The following RACGAP1 variants were observed in gnomAD, a reference collection of about 807,000 sequenced individuals.
RACGAP1 encodes Rac GTPase activating protein 1, also known as rac GTPase-activating protein 1.
A neutral mutation model predicts 78.1 loss-of-function variants in RACGAP1; 30 were observed. The observed-to-expected ratio is 0.38, with a 90% confidence interval of 0.29 to 0.52. The LOEUF (loss-of-function observed/expected upper bound fraction) is 0.52. RACGAP1 is among the 20% of genes least tolerant of loss of function. The pLI, the probability that RACGAP1 is intolerant of heterozygous loss-of-function variation, is 0.82. For missense variants in RACGAP1, 587 were observed against 777.1 expected, an observed-to-expected ratio of 0.76 and a Z score of 2.91; for synonymous variants, 231 against 264.8, an observed-to-expected ratio of 0.87 and a Z score of 1.24.
chr12:49,999,085 T>G, intron 9 of RACGAP1, 56 bp downstream of exon 9: 1 of 1,523,658 alleles, frequency 6.6e-7, no homozygotes, highest in Non-Finnish European at 8.8e-7. Flanking sequence ...TTATTCCTGG[T>G]ATTTATTACT....
chr12:50,015,254 G>C (rs1949593613), intron 2 of RACGAP1, among the ~76,000 whole-genome samples: 1 of 152,012 alleles, frequency 6.6e-6, no homozygotes, highest in Admixed American at 6.6e-5. Flanking sequence ...TGATTCTTCT[G>C]CCTCAGCCTC....
At chr12:49,992,733 G>T in intron 12 of RACGAP1, 78 bp from the exon 13 acceptor site, 2 of 1,083,962 alleles carry the variant, frequency 1.8e-6, no homozygotes, top group Non-Finnish European at 2.7e-6. Flanking sequence ...CGACCACAAA[G>T]TCTCATCTAT....
Position 49,997,123 on chromosome 12 carries a change from C to T in RACGAP1, c.961G>A (p.Val321Met). The T allele has an allele frequency of 6.2e-7, 1 of 1,611,224 alleles. No homozygotes were observed. The highest frequency in any genetic ancestry group is 8.5e-7 in the Non-Finnish European group (1 of 1,177,748). The change falls in exon 10 of 17, where the codon GTG becomes ATG. Residue 321 changes from valine (V) to methionine (M), a missense_variant. Physicochemically the swap from Val to Met is conservative, Grantham distance 21. Coordinates refer to ENST00000312377, the MANE Select transcript of RACGAP1 (RefSeq NM_001319999.2). ...TCCCGACATTCTGGATGAGAGACCACACGACAGTCTCGACACTTCAGAGAT... is the reference window on the plus strand; with the variant it reads ...TCCCGACATTCTGGATGAGAGACCATACGACAGTCTCGACACTTCAGAGAT... ...KLSLKCRDCR[V>M]VSHPECRDRC...
intron 7 of RACGAP1, among the ~76,000 whole-genome samples, chr12:50,000,031 T>TTTTTTTTTTTTC (rs10701508): frequency 6.8e-6 from 1 of 147,418 alleles, no homozygotes; most frequent in African/African-American, 2.5e-5. Context: ...TTTTTTTTTT[T>TTTTTTTTTTTTC]GAGACGGAGT....
At chr12:50,025,791 A>C (rs757024165), upstream of RACGAP1, among the ~76,000 whole-genome samples, 27 of 152,166 alleles carry the variant, frequency 1.8e-4, no homozygotes, top group Admixed American at 3.9e-4. Context: ...GGCCCTTGGA[A>C]ACGATTAACT....
chr12:50,006,750 A>G lies in RACGAP1; in HGVS notation c.86-114T>C, dbSNP rs562566860. The G allele has an allele frequency of 4.4e-5, 46 of 1,054,668 alleles. No individual in the cohort carries two copies. In the African/African-American group the frequency reaches 7.1e-4, roughly 16 times the overall value. The allele number at this position is 1,054,668 out of a possible 1,614,324, so 65.3% of individuals were successfully genotyped here. A position where few individuals can be genotyped will look rare whatever the true frequency, so the allele number is the denominator to read the frequency against. On this transcript the variant is annotated intron_variant, in intron 2 of 16. Transcript: ENST00000312377. ...AATTCATAATTAAGGAACCAGCTGA[A>G]CTATGGGCAAATCCAGCTGAAAATA...
intron 6 of RACGAP1, among the ~76,000 whole-genome samples, 174 bp downstream of exon 6, chr12:50,002,072 GA>G (rs79466036): frequency 0.14 from 11,994 of 87,516 alleles, 455 homozygotes; most frequent in Middle Eastern, 0.24. Context: ...TCAAAAAAAA[GA>G]AAAAAAAAAA....
At chr12:50,014,933 C>T (rs553807623) in intron 2 of RACGAP1, among the ~76,000 whole-genome samples, 1 of 151,532 alleles carries the variant, frequency 6.6e-6, no homozygotes, top group African/African-American at 2.4e-5. Flanking sequence ...ATCCCAGCTA[C>T]TCAGGAGGCT....
chr12:50,011,198 G>A (rs1949301543), intron 2 of RACGAP1, among the ~76,000 whole-genome samples: 1 of 150,956 alleles, frequency 6.6e-6, no homozygotes, highest in East Asian at 2.0e-4. Flanking sequence ...GCCAGGCTTG[G>A]TGGCATGCGC....
At chr12:50,025,102 A>G (rs1045197507) in intron 1 of RACGAP1, among the ~76,000 whole-genome samples, 5 of 151,268 alleles carry the variant, frequency 3.3e-5, no homozygotes, top group African/African-American at 1.2e-4. Context: ...TGACTGAGAG[A>G]CTCTTGTTTA....
intron 1 of RACGAP1, among the ~76,000 whole-genome samples, chr12:50,024,621 G>T (rs1950183349): frequency 6.6e-6 from 1 of 152,088 alleles, no homozygotes; most frequent in South Asian, 2.1e-4. Flanking sequence ...ATATATGCAT[G>T]TAAGAAATCT....
At chr12:50,026,295 A>G (rs1950264553), upstream of RACGAP1, among the ~76,000 whole-genome samples, 1 of 152,180 alleles carries the variant, frequency 6.6e-6, no homozygotes, top group African/African-American at 2.4e-5. Context: ...GGAGCATACA[A>G]GAAGCGCTGT....
In RACGAP1 at chr12:49,999,641, A is replaced by G. The variant is rs201754812; in HGVS notation, c.723T>C (p.Tyr241=). ...EAVSTIETVP[Y]WTRSRRKTGT... is the part of the protein sequence containing the mutation. ...CTGTTTTCCTTCGGCTCCTGGTCCA[A>G]TATGGCACAGTCTCAATAGTGGACA... Residue 241 remains tyrosine, a synonymous_variant, in exon 8 of 17, where the codon TAT becomes TAC. Coordinates refer to ENST00000312377, the MANE Select transcript of RACGAP1 (RefSeq NM_001319999.2). 32 of 1,614,086 alleles carry G rather than the reference A, an allele frequency of 2.0e-5. No homozygotes were observed. In the Middle Eastern group the frequency reaches 5.0e-4, roughly 25 times the overall value.
At chr12:49,991,480 T>TATATATATATA (rs1555169073) in intron 15 of RACGAP1, among the ~76,000 whole-genome samples, 42 of 13,196 alleles carry the variant, frequency 3.2e-3, no homozygotes, top group Non-Finnish European at 3.6e-3. Context: ...TATATATATA[T>TATATATATATA]TTTTTTTTTT....
At chr12:50,025,917 CT>C (rs1950255916), upstream of RACGAP1, among the ~76,000 whole-genome samples, 1 of 152,174 alleles carries the variant, frequency 6.6e-6, no homozygotes, top group African/African-American at 2.4e-5. Flanking sequence ...TCCATTCAGA[CT>C]TTTATTTGAC....
At chr12:50,023,066 G>T (rs1950092225) in intron 1 of RACGAP1, among the ~76,000 whole-genome samples, 1 of 152,180 alleles carries the variant, frequency 6.6e-6, no homozygotes. Flanking sequence ...AGAAAGCGGA[G>T]ATTTTTGTGT....
chr12:50,017,586 C>G (rs578106930), intron 1 of RACGAP1, among the ~76,000 whole-genome samples: 1 of 152,076 alleles, frequency 6.6e-6, no homozygotes, highest in South Asian at 2.1e-4. Context: ...ACTTAACAGT[C>G]AAGAAAGAAA....
At chr12:49,998,269 T>TG (rs1406284395) in intron 9 of RACGAP1, among the ~76,000 whole-genome samples, 5 of 152,096 alleles carry the variant, frequency 3.3e-5, no homozygotes, top group African/African-American at 1.2e-4. Context: ...CCGGGCATGG[T>TG]GGTGGGCACC....
chr12:50,011,469 G>A (rs1412634410), intron 2 of RACGAP1, among the ~76,000 whole-genome samples: 2 of 152,052 alleles, frequency 1.3e-5, no homozygotes, highest in East Asian at 1.9e-4. Context: ...GCTCACACCT[G>A]TAATTCCAGC....
Sources: gnomAD v4.1 joint callset for allele counts (sites outside exome capture counted in the v4.1 genomes callset) on GRCh38, gnomAD v4.1.1 for gene constraint, MANE v1.5 for transcripts, NCBI Gene and HGNC (gene_info 2026-07-23, HGNC 2026-07-21) for gene names.